The following BCAS3 variants were observed in gnomAD, a reference collection of about 807,000 sequenced individuals.
The protein encoded by BCAS3 is BCAS4/BCAS3 fusion.
Under a neutral mutation model 116.1 loss-of-function variants are expected in BCAS3, and 53 were observed. That is an observed-to-expected ratio of 0.46 (90% CI 0.37 to 0.57). The LOEUF (loss-of-function observed/expected upper bound fraction) is 0.57. Ranked by LOEUF, BCAS3 falls within the 20% of genes least tolerant of loss-of-function variation. The pLI, the probability that BCAS3 is intolerant of heterozygous loss-of-function variation, is 0.00. For synonymous variants in BCAS3, 391 were observed against 408.2 expected (o/e 0.96, Z 0.51); for missense variants, 917 against 1,165.4 (o/e 0.79, Z 3.10).
chr17:60,924,512 CT>C lies in BCAS3; in HGVS notation c.1087+13del. On this transcript the variant is annotated intron_variant, in intron 13 of 23. Transcript: ENST00000407086. ...TTTTAATACAAGTGGTAAGTTCGCT[CT>C]CTGTCTTTTTTTTTTTTTTTTTTGT... 1 of 1,442,452 alleles carries C rather than the reference CT, an allele frequency of 6.9e-7. No individual in the cohort carries two copies. The highest frequency in any genetic ancestry group is 9.5e-7 in the Non-Finnish European group (1 of 1,054,832). The allele number at this position is 1,442,452 out of a possible 1,614,324, so 89.4% of individuals were successfully genotyped here.
At chr17:61,107,287 A>T (rs1046979623) in intron 22 of BCAS3, among the ~76,000 whole-genome samples, 11 of 151,940 alleles carry the variant, frequency 7.2e-5, no homozygotes, top group Middle Eastern at 3.2e-3. Flanking sequence ...GGGTTTCACC[A>T]TCTTGGCCAG....
At position 61,313,343 on chromosome 17, in the gene BCAS3, A is replaced by G. The variant is rs2054478437; in HGVS notation, c.2426-54984A>G. Among the ~76,000 whole-genome samples the G allele has an allele frequency of 6.6e-6, 1 of 152,172 alleles. No homozygotes were observed. Among genetic ancestry groups the G allele is most frequent in the Non-Finnish European group, 1.5e-5 (1 of 68,026 alleles). On this transcript the variant is annotated intron_variant, in intron 22 of 23. Transcript: ENST00000407086. The surrounding 1 kb of genome is among the most constrained non-coding windows in gnomAD (Gnocchi z 4.3). ...CTCCACCATGCCCTACTACCTTCCT[A>G]TAGGAAGCTTAATCTGCGGTTCTAC...
At chr17:60,743,048 G>A (rs2041723034) in intron 5 of BCAS3, among the ~76,000 whole-genome samples, 2 of 150,924 alleles carry the variant, frequency 1.3e-5, no homozygotes, top group Admixed American at 1.3e-4. Flanking sequence ...AGGAGGTGGA[G>A]CTTGCAGTGA....
chr17:60,877,193 C>T (rs1002387459), intron 9 of BCAS3, among the ~76,000 whole-genome samples: 2 of 149,478 alleles, frequency 1.3e-5, no homozygotes, highest in Admixed American at 6.6e-5. Context: ...TATATATATA[C>T]ACACACATAT....
chr17:60,901,992 A>T (rs1474097794), intron 10 of BCAS3, among the ~76,000 whole-genome samples: 1 of 152,208 alleles, frequency 6.6e-6, no homozygotes, highest in East Asian at 1.9e-4. Flanking sequence ...CAAAGTAGTG[A>T]TTCATTTTGA....
At chr17:61,050,834 T>A (rs140630752) in intron 19 of BCAS3, among the ~76,000 whole-genome samples, 6 of 152,158 alleles carry the variant, frequency 3.9e-5, no homozygotes, top group African/African-American at 7.2e-5. Flanking sequence ...CACATTCTTT[T>A]CAAGTGTGCA....
chr17:60,678,525 C>T (rs1368252297), intron 1 of BCAS3, among the ~76,000 whole-genome samples: 2 of 152,088 alleles, frequency 1.3e-5, no homozygotes, highest in African/African-American at 2.4e-5. Flanking sequence ...TTCAGAGGGT[C>T]ATGAAACATT....
At chr17:60,998,908 T>C (rs938159913) in intron 15 of BCAS3, among the ~76,000 whole-genome samples, 1 of 151,898 alleles carries the variant, frequency 6.6e-6, no homozygotes, top group African/African-American at 2.4e-5. Context: ...TCCAGAAGAG[T>C]TTTTCCTGGG....
At chr17:60,805,147 G>C (rs1219775380) in intron 6 of BCAS3, among the ~76,000 whole-genome samples, 2 of 151,658 alleles carry the variant, frequency 1.3e-5, no homozygotes, top group African/African-American at 2.4e-5. Context: ...AATATATGTA[G>C]TTAAAAATTT....
intron 18 of BCAS3, among the ~76,000 whole-genome samples, chr17:61,038,502 C>G (rs1254851085): frequency 6.6e-6 from 1 of 151,938 alleles, no homozygotes; most frequent in Non-Finnish European, 1.5e-5. Flanking sequence ...ATCTGCCCGC[C>G]TCAGCCTCCC....
intron 22 of BCAS3, among the ~76,000 whole-genome samples, chr17:61,303,226 C>A (rs140128659): frequency 4.6e-5 from 7 of 152,146 alleles, no homozygotes; most frequent in Non-Finnish European, 1.0e-4. Flanking sequence ...CAGAGCCGCA[C>A]ACTGCTGCAG....
chr17:61,201,733 G>C (rs1457304428), intron 22 of BCAS3, among the ~76,000 whole-genome samples: 1 of 151,776 alleles, frequency 6.6e-6, no homozygotes, highest in East Asian at 1.9e-4. Context: ...TCCAGTGAGG[G>C]AGAAAGGTAA....
intron 22 of BCAS3, among the ~76,000 whole-genome samples, chr17:61,167,784 G>A (rs916523492): frequency 3.9e-5 from 6 of 152,170 alleles, no homozygotes; most frequent in African/African-American, 1.2e-4. Context: ...TTGAACAGAT[G>A]GCATTGTTTG....
intron 16 of BCAS3, among the ~76,000 whole-genome samples, chr17:61,022,354 A>G (rs1003593526): frequency 1.1e-4 from 16 of 152,012 alleles, no homozygotes; most frequent in African/African-American, 3.6e-4. Flanking sequence ...GGTTCACACC[A>G]TTCTCCTCCC....
Position 61,077,842 on chromosome 17 carries a change from C to T in BCAS3, c.2131-491C>T, listed in dbSNP as rs1390034422. Among the ~76,000 whole-genome samples, 2 of 151,942 alleles carry T rather than the reference C, an allele frequency of 1.3e-5. No individual in the cohort carries two copies. The highest frequency in any genetic ancestry group is 2.9e-5 in the Non-Finnish European group (2 of 67,980). ...AAATTATTTCAGACCTTTACTTTTC[C>T]TTGGATGGTTCAAGAACAACTTCAC... On this transcript the variant is annotated intron_variant, in intron 20 of 23. Coordinates refer to ENST00000407086, the MANE Select transcript of BCAS3 (RefSeq NM_017679.5). The surrounding 1 kb of genome is among the most constrained non-coding windows in gnomAD (Gnocchi z 4.3).
chr17:61,033,405 C>G (rs1403378307), intron 16 of BCAS3, among the ~76,000 whole-genome samples: 1 of 152,080 alleles, frequency 6.6e-6, no homozygotes, highest in African/African-American at 2.4e-5. Flanking sequence ...TAAAATAATC[C>G]TATGAAGTAG....
chr17:60,850,507 C>T (rs553174648), intron 7 of BCAS3, among the ~76,000 whole-genome samples: 3 of 151,772 alleles, frequency 2.0e-5, no homozygotes, highest in Non-Finnish European at 4.4e-5. Context: ...TACAGGCACC[C>T]GCCACCACAC....
chr17:61,312,528 A>G (rs541148001), intron 22 of BCAS3, among the ~76,000 whole-genome samples: 31 of 152,300 alleles, frequency 2.0e-4, no homozygotes, highest in Non-Finnish European at 3.4e-4. Flanking sequence ...GCAGACGTTC[A>G]TGTCTTCTTG....
At chr17:60,770,353 A>G (rs1159350448) in intron 6 of BCAS3, among the ~76,000 whole-genome samples, 1 of 128,850 alleles carries the variant, frequency 7.8e-6, no homozygotes, top group Non-Finnish European at 1.6e-5. Flanking sequence ...CTTACTTGTT[A>G]CTTGCTTTTA....
Sources: gnomAD v4.1 joint callset for allele counts (sites outside exome capture counted in the v4.1 genomes callset) on GRCh38, gnomAD v4.1.1 for gene constraint, Gnocchi (gnomAD v3.1) non-coding constraint, MANE v1.5 for transcripts, NCBI Gene and HGNC (gene_info 2026-07-23, HGNC 2026-07-21) for gene names.